The following ZNF721 variants were observed in gnomAD, a reference collection of about 807,000 sequenced individuals.
ZNF721 encodes zinc finger protein 721.
In ZNF721, 2 loss-of-function variants were observed where a neutral mutation model predicts 2.4. The ratio of observed to expected loss-of-function variants is 0.82; its 90% CI spans 0.34 to 2.58. The LOEUF (loss-of-function observed/expected upper bound fraction) is 2.58. Among genes scored for constraint, ZNF721 ranks in the 30% most tolerant of loss-of-function variants. The probability of loss-of-function intolerance (pLI) is 0.11; values close to 1 mark genes in which losing one functional copy is unlikely to be tolerated. For synonymous variants in ZNF721, 398 were observed against 381.8 expected, an observed-to-expected ratio of 1.04 and a Z score of -0.50; for missense variants, 1,187 against 1,085.5, an observed-to-expected ratio of 1.09 and a Z score of -1.31.
intron 2 of ZNF721, among the ~76,000 whole-genome samples, chr4:461,034 G>C (rs1225232919): frequency 2.0e-5 from 3 of 152,172 alleles, no homozygotes; most frequent in Non-Finnish European, 4.4e-5. Context: ...GGAGCGAGCT[G>C]GTACCATGCC....
At chr4:446,145 A>G (rs1714464884) in intron 2 of ZNF721, among the ~76,000 whole-genome samples, 2 of 145,430 alleles carry the variant, frequency 1.4e-5, no homozygotes, top group Admixed American at 1.4e-4. Flanking sequence ...ATGCAAGAAA[A>G]CCAAACATAA....
At chr4:487,626 G>C (rs556692459) in intron 1 of ZNF721, among the ~76,000 whole-genome samples, 1 of 152,280 alleles carries the variant, frequency 6.6e-6, no homozygotes, top group Non-Finnish European at 1.5e-5. Flanking sequence ...CAAATGACCT[G>C]CAAATGCTTG....
intron 1 of ZNF721, among the ~76,000 whole-genome samples, chr4:488,060 T>A (rs1311512385): frequency 6.6e-6 from 1 of 152,120 alleles, no homozygotes; most frequent in Admixed American, 6.6e-5. Context: ...AGATAAGGGG[T>A]AGCTGATAGG....
intron 1 of ZNF721, among the ~76,000 whole-genome samples, chr4:496,854 A>T (rs1553872302): frequency 6.6e-6 from 1 of 151,548 alleles, no homozygotes; most frequent in Non-Finnish European, 1.5e-5. Flanking sequence ...CTGGGACTAC[A>T]GGTGCCCGCC....
chr4:446,532 C>T lies in ZNF721; in HGVS notation c.35-2100G>A, dbSNP rs370267307. On this transcript the variant is annotated intron_variant, in intron 2 of 2. Coordinates refer to ENST00000511833, the MANE Select transcript of ZNF721 (RefSeq NM_133474.4). ...AGTAGCTAGAACTACAGGTACACAC[C>T]ACCATGCTCTTCTACTTTTTGTATT... 7.5e-4 allele frequency among the ~76,000 whole-genome samples: 114 copies of T among 151,908 alleles called. 1 individual carries two copies. The highest frequency in any genetic ancestry group is 5.2e-3 in the South Asian group (25 of 4,802).
chr4:480,534 C>G (rs781975209), intron 1 of ZNF721, among the ~76,000 whole-genome samples: 8 of 151,868 alleles, frequency 5.3e-5, no homozygotes, highest in Non-Finnish European at 1.2e-4. Context: ...CTAAATACCC[C>G]TGAAGCATTA....
chr4:455,029 G>A (rs1371666321), intron 2 of ZNF721, among the ~76,000 whole-genome samples: 2 of 152,330 alleles, frequency 1.3e-5, no homozygotes, highest in Admixed American at 6.5e-5. Flanking sequence ...ACGGATGAAT[G>A]GTGGACTCTA....
intron 1 of ZNF721, chr4:474,039 G>A: frequency 6.7e-7 from 1 of 1,491,150 alleles, no homozygotes; most frequent in East Asian, 3.0e-5. Context: ...AATACCCGCA[G>A]GTTACAGAGC....
chr4:495,665 T>C (rs1293587869), intron 1 of ZNF721, among the ~76,000 whole-genome samples: 2 of 151,432 alleles, frequency 1.3e-5, no homozygotes, highest in Non-Finnish European at 2.9e-5. Flanking sequence ...CAGTGACGTG[T>C]GATCTCGGCT....
chr4:442,451 T>C lies in ZNF721; in HGVS notation c.2016A>G (p.Glu672=). 2.5e-6 allele frequency: 4 copies of C among 1,613,990 alleles called. No homozygotes were observed. Among genetic ancestry groups the C allele is most frequent in the Non-Finnish European group, 3.4e-6 (4 of 1,179,858 alleles). The change falls in exon 3 of 3, where the codon GAA becomes GAG. Residue 672 remains glutamate (E), a synonymous_variant. Coordinates refer to ENST00000511833, the MANE Select transcript of ZNF721 (RefSeq NM_133474.4). Reference sequence around the variant, plus strand: ...ACCATCCAAAGGCTTTGCCACACTCTTCACATTTGTAACTTTGCTCTCCAG... The same window carrying C: ...ACCATCCAAAGGCTTTGCCACACTCCTCACATTTGTAACTTTGCTCTCCAG... ...ILTGEQSYKC[E]ECGKAFGWSI... is the part of the protein sequence containing the mutation.
chr4:496,161 A>G (rs1325002170), intron 1 of ZNF721, among the ~76,000 whole-genome samples: 1 of 151,164 alleles, frequency 6.6e-6, no homozygotes, highest in Non-Finnish European at 1.5e-5. Context: ...TGTGGGGGGT[A>G]GACGGTTGGG....
chr4:497,311 C>T (rs2108727452), intron 1 of ZNF721, among the ~76,000 whole-genome samples: 1 of 152,112 alleles, frequency 6.6e-6, no homozygotes, highest in Non-Finnish European at 1.5e-5. Context: ...TCCCAGATTT[C>T]AGCAATCATC....
At chr4:450,662 C>T (rs1341466944) in intron 2 of ZNF721, among the ~76,000 whole-genome samples, 6 of 123,548 alleles carry the variant, frequency 4.9e-5, no homozygotes, top group Non-Finnish European at 8.5e-5. Flanking sequence ...AAAAGCCGGG[C>T]GCGGTTGGCT....
chr4:443,191 A>T lies in ZNF721; in HGVS notation c.1276T>A (p.Phe426Ile). The T allele has an allele frequency of 6.2e-7, 1 of 1,613,802 alleles. No individual in the cohort carries two copies. Among genetic ancestry groups the T allele is most frequent in the African/African-American group, 1.3e-5 (1 of 74,956 alleles). ...PYTCEDRGRA[F>I]GLSTNLNEYK... Reference sequence around the variant, plus strand: ...TCATTCAGGTTTGTGGACAATCCAAAGGCTCTGCCACGATCTTCACATGTG... The same window carrying T: ...TCATTCAGGTTTGTGGACAATCCAATGGCTCTGCCACGATCTTCACATGTG... The change falls in exon 3 of 3, where the codon TTT becomes ATT. Residue 426 changes from phenylalanine to isoleucine, a missense_variant. By Grantham distance (21) the Phe-to-Ile change is conservative. Coordinates refer to ENST00000511833, the MANE Select transcript of ZNF721 (RefSeq NM_133474.4).
intron 2 of ZNF721, among the ~76,000 whole-genome samples, chr4:464,374 C>G (rs1165061508): frequency 6.7e-6 from 1 of 148,596 alleles, no homozygotes; most frequent in African/African-American, 2.5e-5. Context: ...GGGGCTGAGG[C>G]AGGAGAATCG....
chr4:497,732 C>CA (rs533555862), intron 1 of ZNF721, among the ~76,000 whole-genome samples: 8,718 of 123,894 alleles, frequency 0.07, 427 homozygotes, highest in African/African-American at 0.14. Flanking sequence ...CTAAAAAATA[C>CA]AAAAAAAAAA....
At position 456,006 on chromosome 4, in the gene ZNF721, C is replaced by A. The variant is rs575864099; in HGVS notation, c.35-11574G>T. ...GTGGTAATATTCCACTGTTTCTTTG[C>A]CTACTCACCTACAAAAGAAAACAGT... On this transcript the variant is annotated intron_variant, in intron 2 of 2. Coordinates refer to ENST00000511833, the MANE Select transcript of ZNF721 (RefSeq NM_133474.4). Among the ~76,000 whole-genome samples the A allele has an allele frequency of 2.1e-4, 32 of 152,028 alleles. 1 individual carries two copies. In the South Asian group the frequency reaches 6.4e-3, roughly 31 times the overall value.
chr4:473,735 C>T (rs115814351), intron 1 of ZNF721, among the ~76,000 whole-genome samples: 5,231 of 152,324 alleles, frequency 0.034, 102 homozygotes, highest in Middle Eastern at 0.068. Context: ...CTTCTCCTCA[C>T]CCCACAGCCC....
intron 1 of ZNF721, among the ~76,000 whole-genome samples, chr4:498,133 A>T (rs1716350724): frequency 6.9e-6 from 1 of 145,238 alleles, no homozygotes; most frequent in Non-Finnish European, 1.5e-5. Context: ...TGAACCCGGG[A>T]GGCAGAGGTT....
Sources: allele counts gnomAD v4.1 joint callset (sites outside exome capture counted in the v4.1 genomes callset), GRCh38; gene constraint gnomAD v4.1.1; transcripts MANE v1.5; gene names NCBI Gene and HGNC (gene_info 2026-07-23, HGNC 2026-07-21).